The following PCDHA12 variants were observed in gnomAD, a reference collection of about 807,000 sequenced individuals.
PCDHA12 encodes protocadherin alpha 12, also known as protocadherin alpha-12.
In PCDHA12, 44 loss-of-function variants were observed where a neutral mutation model predicts 60.0. The ratio of observed to expected loss-of-function variants is 0.73; its 90% CI spans 0.58 to 0.94. The LOEUF is 0.94. PCDHA12 is among the 40% of genes least tolerant of loss of function. The pLI is 0.00. For synonymous variants in PCDHA12, 569 were observed against 553.0 expected, an observed-to-expected ratio of 1.03 and a Z score of -0.40; for missense variants, 1,276 against 1,239.7, an observed-to-expected ratio of 1.03 and a Z score of -0.44.
chr5:140,961,135 A>T (rs1554225235), intron 1 of PCDHA12, among the ~76,000 whole-genome samples: 2 of 152,186 alleles, frequency 1.3e-5, no homozygotes, highest in African/African-American at 4.8e-5. Flanking sequence ...TTGGCACTTA[A>T]GAGTTGGCAT....
chr5:140,950,040 C>A (rs1053592525), intron 1 of PCDHA12, among the ~76,000 whole-genome samples: 2 of 151,718 alleles, frequency 1.3e-5, no homozygotes, highest in Non-Finnish European at 3.0e-5. Flanking sequence ...AAGTTACAAC[C>A]ATATAAGACT....
At chr5:140,970,280 C>G (rs1445871505) in intron 1 of PCDHA12, among the ~76,000 whole-genome samples, 3 of 152,138 alleles carry the variant, frequency 2.0e-5, no homozygotes, top group East Asian at 1.9e-4. Flanking sequence ...TGTAAAGTAG[C>G]CTTTTCAAGT....
chr5:140,996,557 T>C (rs1200836194), intron 3 of PCDHA12, among the ~76,000 whole-genome samples: 3 of 152,226 alleles, frequency 2.0e-5, no homozygotes, highest in Admixed American at 6.5e-5. Context: ...GTCACTATCT[T>C]GAAGTTCTTG....
At chr5:140,966,962 G>T (rs370831122) in intron 1 of PCDHA12, 4 of 1,602,632 alleles carry the variant, frequency 2.5e-6, no homozygotes, top group Non-Finnish European at 3.4e-6. Context: ...TCGCGCGCTG[G>T]GGCTTGAGCT....
At position 140,897,620 on chromosome 5, in the gene PCDHA12, A is replaced by G. The variant is rs1317464980; in HGVS notation, c.2367+19781A>G. On this transcript the variant is annotated intron_variant, in intron 1 of 3. Coordinates refer to ENST00000398631, the MANE Select transcript of PCDHA12 (RefSeq NM_018903.4). Reference sequence around the variant, plus strand: ...ACATTTGGGTTGGTTCCAAGTCTTTACTATTGTGTATAGTGCCACAATAAA... The same window carrying G: ...ACATTTGGGTTGGTTCCAAGTCTTTGCTATTGTGTATAGTGCCACAATAAA... Among the ~76,000 whole-genome samples, 1,214 of 152,126 alleles carry G rather than the reference A, an allele frequency of 8.0e-3. 6 individuals are homozygous for G. The highest frequency in any genetic ancestry group is 0.019 in the African/African-American group (783 of 41,492).
intron 1 of PCDHA12, chr5:140,884,340 C>G (rs1480799859): frequency 1.2e-6 from 2 of 1,613,772 alleles, no homozygotes; most frequent in South Asian, 1.1e-5. Flanking sequence ...GGTCCAGAAG[C>G]GGCGCTGGTG....
intron 2 of PCDHA12, 83 bp from the exon 3 acceptor site, chr5:140,982,392 T>C: frequency 6.3e-7 from 1 of 1,598,158 alleles, no homozygotes. Context: ...GGCTTCATAG[T>C]TGTAAGCAAT....
At chr5:140,981,766 T>C (rs1321747581) in intron 2 of PCDHA12, among the ~76,000 whole-genome samples, 7 of 152,144 alleles carry the variant, frequency 4.6e-5, no homozygotes, top group Non-Finnish European at 1.0e-4. Flanking sequence ...CATACATAAA[T>C]GAATACTGCA....
intron 1 of PCDHA12, among the ~76,000 whole-genome samples, chr5:140,971,546 A>G (rs1236125448): frequency 6.6e-6 from 1 of 152,146 alleles, no homozygotes; most frequent in African/African-American, 2.4e-5. Context: ...TGCCAGATCA[A>G]CCTGTTAAAT....
Position 140,943,173 on chromosome 5 carries a change from G to A in PCDHA12, c.2368-35776G>A, listed in dbSNP as rs143950290. On this transcript the variant is annotated intron_variant, in intron 1 of 3. Coordinates refer to ENST00000398631, the MANE Select transcript of PCDHA12 (RefSeq NM_018903.4). ...CTCTGGAGGCTGAGGCAGGAAAATC[G>A]CTTGAACCCTGGAGGTGGAGGCTGC... is the stretch of plus-strand genomic sequence containing the variant. Among the ~76,000 whole-genome samples the A allele has an allele frequency of 5.6e-3, 834 of 148,712 alleles. 7 individuals are homozygous for A. Among genetic ancestry groups the A allele is most frequent in the African/African-American group, 0.019 (751 of 40,052 alleles).
chr5:140,915,615 A>C (rs948306385), intron 1 of PCDHA12, among the ~76,000 whole-genome samples: 5 of 142,332 alleles, frequency 3.5e-5, no homozygotes, highest in Admixed American at 7.1e-5. Flanking sequence ...TCTGTCAAAC[A>C]GTCTCTTTCT....
At chr5:140,983,783 G>A (rs2097068046) in intron 3 of PCDHA12, among the ~76,000 whole-genome samples, 1 of 152,130 alleles carries the variant, frequency 6.6e-6, no homozygotes, top group Non-Finnish European at 1.5e-5. Context: ...ATACATAACA[G>A]ATGACAGAAT....
chr5:140,892,262 T>G (rs1554185143), intron 1 of PCDHA12, among the ~76,000 whole-genome samples: 1 of 152,188 alleles, frequency 6.6e-6, no homozygotes, highest in African/African-American at 2.4e-5. Flanking sequence ...TTTGATTTTG[T>G]GCTGAAAGTT....
intron 1 of PCDHA12, among the ~76,000 whole-genome samples, chr5:140,921,353 A>T (rs943655623): frequency 6.6e-6 from 1 of 152,160 alleles, no homozygotes; most frequent in Non-Finnish European, 1.5e-5. Context: ...ATATTTGCCT[A>T]TATTCAAGTT....
intron 3 of PCDHA12, among the ~76,000 whole-genome samples, chr5:141,004,025 A>G (rs191768123): frequency 1.3e-5 from 2 of 152,316 alleles, no homozygotes; most frequent in Non-Finnish European, 2.9e-5. Context: ...AAGAAGAAAC[A>G]TTTCCTTGAT....
At chr5:140,894,505 C>T (rs1054272448) in intron 1 of PCDHA12, among the ~76,000 whole-genome samples, 9 of 151,570 alleles carry the variant, frequency 5.9e-5, no homozygotes, top group Non-Finnish European at 2.9e-5. Context: ...AGGCATTATC[C>T]ATAGTGTTTA....
Position 140,923,432 on chromosome 5 carries a change from G to A in PCDHA12, c.2367+45593G>A, listed in dbSNP as rs116357562. Among the ~76,000 whole-genome samples, 1,228 of 152,230 alleles carry A rather than the reference G, an allele frequency of 8.1e-3. 6 individuals are homozygous for A. The highest frequency in any genetic ancestry group is 0.019 in the African/African-American group (793 of 41,542). The stretch of plus-strand genomic sequence containing the variant: ...AATCCTGGCTACTTGGGAGGCTGGG[G>A]TGGGAGGATCACCTGAGCCCAGAGA... On this transcript the variant is annotated intron_variant, in intron 1 of 3. Transcript: ENST00000398631.
Position 141,011,328 on chromosome 5 carries a change from A to G in PCDHA12, c.*1391A>G, listed in dbSNP as rs1554263430. 2 of 153,726 alleles carry G rather than the reference A, an allele frequency of 1.3e-5. No homozygotes were observed. Among genetic ancestry groups the G allele is most frequent in the Admixed American group, 1.3e-4 (2 of 15,268 alleles). 9.5% of individuals were successfully genotyped at this position (153,726 alleles called of 1,614,324 possible). On this transcript the variant is annotated 3_prime_UTR_variant, in exon 4 of 4. Transcript: ENST00000398631. Reference sequence around the variant, plus strand: ...ATTGCTAATCTTACTAACACCTATGATGTTACCTGAAATCAATCTCCCATA... The same window carrying G: ...ATTGCTAATCTTACTAACACCTATGGTGTTACCTGAAATCAATCTCCCATA...
At chr5:140,967,236 T>C (rs142898054) in intron 1 of PCDHA12, 53 of 1,613,562 alleles carry the variant, frequency 3.3e-5, no homozygotes, top group Non-Finnish European at 4.2e-5. Context: ...CAGCTTCAGG[T>C]AAGCGAATCG....
Sources: gnomAD v4.1 joint callset for allele counts (sites outside exome capture counted in the v4.1 genomes callset) on GRCh38, gnomAD v4.1.1 for gene constraint, MANE v1.5 for transcripts, NCBI Gene and HGNC (gene_info 2026-07-23, HGNC 2026-07-21) for gene names.